The following ZNF14 variants were observed in gnomAD, a reference collection of about 807,000 sequenced individuals.
The protein encoded by ZNF14 is gonadotropin inducible transcription repressor-4.
Under a neutral mutation model 11.3 loss-of-function variants are expected in ZNF14, and 9 were observed. The ratio of observed to expected loss-of-function variants is 0.80; its 90% CI spans 0.48 to 1.39. ZNF14 has a LOEUF of 1.39. ZNF14 is among the 40% of genes most tolerant of loss of function. ZNF14 has a pLI of 0.00. For missense variants in ZNF14, 711 were observed against 763.9 expected (o/e 0.93, Z 0.82); for synonymous variants, 239 against 245.7 (o/e 0.97, Z 0.25).
chr19:19,732,726 C>T (rs2145109801), intron 1 of ZNF14, among the ~76,000 whole-genome samples: 1 of 152,348 alleles, frequency 6.6e-6, no homozygotes, highest in East Asian at 1.9e-4. Context: ...CAGAGCTGCC[C>T]ATAGAGGGCT....
chr19:19,711,257 T>C lies in ZNF14; in HGVS notation c.*95A>G, dbSNP rs1249132737. 3.6e-6 allele frequency: 5 copies of C among 1,375,036 alleles called. No homozygotes were observed. In the Admixed American group the frequency reaches 7.6e-5, roughly 21 times the overall value. 85.2% of individuals were successfully genotyped at this position (1,375,036 alleles called of 1,614,324 possible). A position where few individuals can be genotyped will look rare whatever the true frequency, so the allele number is the denominator to read the frequency against. ...GGAACAATTAAGGGCTTTAGAACAATGTTTGTATTCACACAGCTTCTGTCC... is the reference window on the plus strand; with the variant it reads ...GGAACAATTAAGGGCTTTAGAACAACGTTTGTATTCACACAGCTTCTGTCC... On this transcript the variant is annotated 3_prime_UTR_variant, in exon 4 of 4. Coordinates refer to ENST00000344099, the MANE Select transcript of ZNF14 (RefSeq NM_021030.3).
chr19:19,717,906 A>G (rs942543824), intron 1 of ZNF14, among the ~76,000 whole-genome samples: 4 of 152,232 alleles, frequency 2.6e-5, no homozygotes, highest in Admixed American at 1.3e-4. Flanking sequence ...TTTATTTAAC[A>G]AGTGTCTAGA....
At chr19:19,729,179 T>C (rs2145106370) in intron 1 of ZNF14, among the ~76,000 whole-genome samples, 1 of 152,092 alleles carries the variant, frequency 6.6e-6, no homozygotes, top group Admixed American at 6.5e-5. Flanking sequence ...TGTTTTACCA[T>C]GTTGGCCAGG....
chr19:19,714,107 G>A lies in ZNF14; in HGVS notation c.175C>T (p.Gln59Ter), dbSNP rs1277736492. 2.5e-6 allele frequency: 4 copies of A among 1,612,528 alleles called. No individual in the cohort carries two copies. Among genetic ancestry groups the A allele is most frequent in the Admixed American group, 1.7e-5 (1 of 59,960 alleles). ...DQDIEDDHRN[Q>*]GKNRRCHMVE... ...GCAACTCACCTTCGATTTTTCCCCT[G>A]GTTTCTGTGGTCATCTTCAATGTCC... The change falls in exon 3 of 4, where the codon CAG (glutamine) becomes TAG (stop). Residue 59 changes from glutamine to a stop codon, truncating the protein, a stop_gained. Transcript: ENST00000344099. LOFTEE classifies it low-confidence loss of function (END_TRUNC).
intron 1 of ZNF14, among the ~76,000 whole-genome samples, chr19:19,723,211 G>A (rs2145101548): frequency 6.6e-6 from 1 of 152,174 alleles, no homozygotes; most frequent in African/African-American, 2.4e-5. Context: ...ATTGGCTGTG[G>A]GTTTGTCATA....
Position 19,720,341 on chromosome 19 carries a change from CTTT to C in ZNF14, c.4-5857_4-5855del, listed in dbSNP as rs35810516. ...CCACATTCTGGAACATAAAACATAT[CTTT>C]TTTTTTTTTTTTTGAGATGGAGTCT... On this transcript the variant is annotated intron_variant, in intron 1 of 3. Coordinates refer to ENST00000344099, the MANE Select transcript of ZNF14 (RefSeq NM_021030.3). The surrounding 1 kb of genome is among the most constrained non-coding windows in gnomAD (Gnocchi z 4.1). Among the ~76,000 whole-genome samples the C allele has an allele frequency of 4.9e-5, 7 of 142,174 alleles. No individual in the cohort carries two copies. The highest frequency in any genetic ancestry group is 3.1e-5 in the Non-Finnish European group (2 of 65,060). The allele number at this position is 142,174 out of a possible 152,430, so 93.3% of individuals were successfully genotyped here.
chr19:19,712,156 G>T lies in ZNF14; in HGVS notation c.1125C>A (p.Ser375=), dbSNP rs768440616. ...CKRCGKSFSW[S]ISLRLHERTH... ...TTCTTTCATGCAATCGAAGAGAAAT[G>T]GACCAACTGAATGATTTGCCACATC... The change falls in exon 4 of 4, where the codon TCC becomes TCA. Residue 375 remains serine, a synonymous_variant. Coordinates refer to ENST00000344099, the MANE Select transcript of ZNF14 (RefSeq NM_021030.3). 2.5e-6 allele frequency: 4 copies of T among 1,613,978 alleles called. No homozygotes were observed. Among genetic ancestry groups the T allele is most frequent in the Non-Finnish European group, 3.4e-6 (4 of 1,180,008 alleles).
rs2062355695 is a variant in ZNF14, at chr19:19,710,559, T to C, written c.*793A>G. 1.3e-5 allele frequency: 2 copies of C among 152,224 alleles called. No homozygotes were observed. Among genetic ancestry groups the C allele is most frequent in the Admixed American group, 1.3e-4 (2 of 15,276 alleles). 9.4% of individuals were successfully genotyped at this position (152,224 alleles called of 1,614,324 possible). A position where few individuals can be genotyped will look rare whatever the true frequency, so the allele number is the denominator to read the frequency against. Reference sequence around the variant, plus strand: ...CCTGACAATCTTTATTAAATGAAAATATTTTTGTATCATCAACAACAACAA... The same window carrying C: ...CCTGACAATCTTTATTAAATGAAAACATTTTTGTATCATCAACAACAACAA... On this transcript the variant is annotated 3_prime_UTR_variant, in exon 4 of 4. Transcript: ENST00000344099.
intron 1 of ZNF14, among the ~76,000 whole-genome samples, chr19:19,727,347 G>T (rs906361335): frequency 7.6e-6 from 1 of 132,102 alleles, no homozygotes; most frequent in South Asian, 2.5e-4. Context: ...GTAGTGATGG[G>T]GTCTCCCTAT....
In ZNF14 at chr19:19,712,673, C is replaced by G. The variant is rs201581202; in HGVS notation, c.608G>C (p.Gly203Ala). ...GQKPYECKQC[G>A]KTFIYYQSFQ... ...AGACTGGTAATATATAAAGGTTTTT[C>G]CACATTGCTTACATTCATAGGGTTT... is the stretch of plus-strand genomic sequence containing the variant. Residue 203 changes from glycine to alanine, a missense_variant, in exon 4 of 4, where the codon GGA becomes GCA. Coordinates refer to ENST00000344099, the MANE Select transcript of ZNF14 (RefSeq NM_021030.3). 8.0e-5 allele frequency: 129 copies of G among 1,613,878 alleles called. 1 individual carries two copies. The highest frequency in any genetic ancestry group is 4.1e-5 in the Non-Finnish European group (48 of 1,179,946).
In ZNF14 at chr19:19,733,005, G is replaced by T; in HGVS notation, c.-47C>A. 6.2e-7 allele frequency: 1 copy of T among 1,608,296 alleles called. No homozygotes were observed. Among genetic ancestry groups the T allele is most frequent in the South Asian group, 1.1e-5 (1 of 90,496 alleles). ...CGGTGTCCTCCCTACGGATCTGTCA[G>T]TACCTGCAGGTCACGGCGCGACAAA... On this transcript the variant is annotated 5_prime_UTR_variant, in exon 1 of 4. It adds an upstream start codon to the 5' untranslated region. Coordinates refer to ENST00000344099, the MANE Select transcript of ZNF14 (RefSeq NM_021030.3).
At chr19:19,713,748 C>CTTTTTTTT (rs71172526) in intron 3 of ZNF14, among the ~76,000 whole-genome samples, 17,757 of 118,910 alleles carry the variant, frequency 0.15, 1,803 homozygotes, top group East Asian at 0.23. Context: ...TGTGCCAGGC[C>CTTTTTTTT]TTTTTTTTTT....
At chr19:19,719,752 T>C (rs751785989) in intron 1 of ZNF14, among the ~76,000 whole-genome samples, 42 of 152,004 alleles carry the variant, frequency 2.8e-4, no homozygotes, top group Non-Finnish European at 5.0e-4. Flanking sequence ...ACTAAATCAA[T>C]AACATGTTAA....
chr19:19,721,393 G>A (rs1455665455), intron 1 of ZNF14, among the ~76,000 whole-genome samples: 1 of 152,138 alleles, frequency 6.6e-6, no homozygotes, highest in Non-Finnish European at 1.5e-5. Context: ...CTTGGCCCAT[G>A]GATATGAAAA....
chr19:19,712,646 A>T lies in ZNF14; in HGVS notation c.635T>A (p.Phe212Tyr). ...CGKTFIYYQS[F>Y]QKHAHTGKKP... ...CTTTCCAGTATGAGCATGTTTTTGA[A>T]AAGACTGGTAATATATAAAGGTTTT... Residue 212 changes from phenylalanine to tyrosine, a missense_variant, in exon 4 of 4, where the codon TTT becomes TAT. Phe to Tyr is a conservative substitution (Grantham distance 22). Transcript: ENST00000344099. 1 of 1,613,626 alleles carries T rather than the reference A, an allele frequency of 6.2e-7. No individual in the cohort carries two copies. Among genetic ancestry groups the T allele is most frequent in the South Asian group, 1.1e-5 (1 of 91,062 alleles).
At chr19:19,713,372 G>A (rs2062367981) in intron 3 of ZNF14, among the ~76,000 whole-genome samples, 1 of 151,198 alleles carries the variant, frequency 6.6e-6, no homozygotes, top group South Asian at 2.1e-4. Flanking sequence ...CTGAAGCCTT[G>A]AATTCCTGGG....
At chr19:19,723,401 T>C (rs1383809234) in intron 1 of ZNF14, among the ~76,000 whole-genome samples, 1 of 152,220 alleles carries the variant, frequency 6.6e-6, no homozygotes, top group East Asian at 1.9e-4. Flanking sequence ...TTTGTGTATG[T>C]TGAACCAGCC....
rs1252271697 is a variant in ZNF14, at chr19:19,711,785, C to T, written c.1496G>A (p.Gly499Glu). Residue 499 changes from glycine to glutamate, a missense_variant, in exon 4 of 4, where the codon GGA (glycine) becomes GAA (glutamate). Gly to Glu is a moderately conservative substitution (Grantham distance 98). Coordinates refer to ENST00000344099, the MANE Select transcript of ZNF14 (RefSeq NM_021030.3). The stretch of plus-strand genomic sequence containing the variant: ...TAGTTTACATTCATAGGGTTTCTCT[C>T]CAGTGTGTGTTCTTTCATGCAGTCG... ...SFRLHERTHT[G>E]EKPYECKLCG... 1 of 1,613,580 alleles carries T rather than the reference C, an allele frequency of 6.2e-7. No individual in the cohort carries two copies. Among genetic ancestry groups the T allele is most frequent in the Non-Finnish European group, 8.5e-7 (1 of 1,179,566 alleles).
rs1253685200 is a variant in ZNF14 at position 19,727,777 on chromosome 19, T to C, written c.3+5179A>G. On this transcript the variant is annotated intron_variant, in intron 1 of 3. Transcript: ENST00000344099. ...CTTGGCATGTATTCCCAAACACCCC[T>C]TAGAAGACCACATAAATGCGACTCA... 2.2e-5 allele frequency among the ~76,000 whole-genome samples: 3 copies of C among 133,616 alleles called. 1 individual carries two copies. The highest frequency in any genetic ancestry group is 5.0e-5 in the Non-Finnish European group (3 of 60,278). 87.7% of individuals were successfully genotyped at this position (133,616 alleles called of 152,430 possible).
Sources: allele counts gnomAD v4.1 joint callset (sites outside exome capture counted in the v4.1 genomes callset), GRCh38; gene constraint gnomAD v4.1.1; non-coding constraint Gnocchi (gnomAD v3.1); transcripts MANE v1.5; gene names NCBI Gene and HGNC (gene_info 2026-07-23, HGNC 2026-07-21).